The following ABLIM1 variants were observed in gnomAD, a reference collection of about 807,000 sequenced individuals.
ABLIM1 encodes actin binding LIM protein 1, also known as actin-binding LIM protein 1.
In ABLIM1, 40 loss-of-function variants were observed where a neutral mutation model predicts 107.0. The observed-to-expected ratio is 0.37, with a 90% CI of 0.29 to 0.49. The LOEUF (loss-of-function observed/expected upper bound fraction) is 0.49, where lower values mean the gene tolerates loss of function less well. Ranked by LOEUF, ABLIM1 falls within the 20% of genes least tolerant of loss-of-function variation. ABLIM1 has a pLI of 0.97. For synonymous variants in ABLIM1, 357 were observed against 357.3 expected (o/e 1.00, Z 0.01); for missense variants, 857 against 1,008.5 (o/e 0.85, Z 2.04).
At chr10:114,639,860 T>C (rs1259015924) in intron 1 of ABLIM1, among the ~76,000 whole-genome samples, 1 of 152,160 alleles carries the variant, frequency 6.6e-6, no homozygotes, top group Non-Finnish European at 1.5e-5. Context: ...CACAGAGTGT[T>C]TGCAACACCC....
In ABLIM1 at chr10:114,707,708, T is replaced by G. The variant is rs576447220; in HGVS notation, c.-213+60353A>C. On this transcript the variant is annotated intron_variant, in intron 1 of 15. Transcript: ENST00000651092. The surrounding 1 kb of genome is among the most constrained non-coding windows in gnomAD (Gnocchi z 4.1). ...TAAGGCCAGGAGTTCGAGACCAACC[T>G]GGACAACATGGTGAAAACACGGTCT... Among the ~76,000 whole-genome samples the G allele has an allele frequency of 1.3e-5, 2 of 152,136 alleles. No homozygotes were observed. The highest frequency in any genetic ancestry group is 2.1e-4 in the South Asian group (1 of 4,824).
intron 2 of ABLIM1, among the ~76,000 whole-genome samples, chr10:114,600,700 C>T (rs1484908784): frequency 1.3e-5 from 2 of 152,098 alleles, no homozygotes; most frequent in African/African-American, 2.4e-5. Flanking sequence ...GTCCTTACCC[C>T]GTGCAGGGCA....
At chr10:114,572,915 A>G (rs2071907597) in intron 3 of ABLIM1, among the ~76,000 whole-genome samples, 2 of 152,182 alleles carry the variant, frequency 1.3e-5, no homozygotes, top group Admixed American at 6.6e-5. Flanking sequence ...GACCCTGAGA[A>G]TAAGTGCCCT....
At chr10:114,478,744 G>T (rs1168497573) in intron 8 of ABLIM1, among the ~76,000 whole-genome samples, 2 of 152,144 alleles carry the variant, frequency 1.3e-5, no homozygotes, top group Non-Finnish European at 2.9e-5. Flanking sequence ...GCGTGAAAAT[G>T]GACTAATACA....
intron 1 of ABLIM1, among the ~76,000 whole-genome samples, chr10:114,735,689 C>T (rs758299324): frequency 7.2e-5 from 11 of 152,162 alleles, no homozygotes; most frequent in Non-Finnish European, 1.0e-4. Flanking sequence ...AGGATGGTCT[C>T]GATCTTTTGA....
intron 8 of ABLIM1, among the ~76,000 whole-genome samples, chr10:114,474,419 C>T (rs577739056): frequency 4.1e-4 from 61 of 147,184 alleles, no homozygotes; most frequent in Admixed American, 6.8e-4. Flanking sequence ...CTCACTCTGT[C>T]GCCCAGGCTG....
intron 1 of ABLIM1, among the ~76,000 whole-genome samples, chr10:114,653,494 T>A (rs2079349416): frequency 6.6e-6 from 1 of 152,174 alleles, no homozygotes; most frequent in Non-Finnish European, 1.5e-5. Context: ...AAGTGAGCCC[T>A]GTTCTCACCA....
intron 6 of ABLIM1, among the ~76,000 whole-genome samples, chr10:114,544,075 G>A (rs1420818606): frequency 6.6e-6 from 1 of 152,216 alleles, no homozygotes. Flanking sequence ...GCGGGGAGGG[G>A]GGCCTCAGAT....
chr10:114,519,476 A>T (rs1374323356), intron 6 of ABLIM1, among the ~76,000 whole-genome samples: 1 of 152,182 alleles, frequency 6.6e-6, no homozygotes, highest in East Asian at 1.9e-4. Context: ...CAAGGCCCCA[A>T]TTATCCCTCG....
intron 1 of ABLIM1, among the ~76,000 whole-genome samples, chr10:114,649,984 T>A (rs2079171215): frequency 6.6e-6 from 1 of 151,936 alleles, no homozygotes; most frequent in African/African-American, 2.4e-5. Flanking sequence ...GCCTCCTGAG[T>A]AGCTGGGACT....
intron 6 of ABLIM1, among the ~76,000 whole-genome samples, chr10:114,513,197 T>C (rs1426844271): frequency 3.9e-5 from 6 of 152,184 alleles, no homozygotes; most frequent in African/African-American, 1.4e-4. Flanking sequence ...GAAAATTCAT[T>C]TCTTACCCCT....
At chr10:114,466,488 C>T (rs2065193066) in intron 11 of ABLIM1, among the ~76,000 whole-genome samples, 1 of 152,114 alleles carries the variant, frequency 6.6e-6, no homozygotes. Context: ...ACTATCACCT[C>T]CCTCCCCCAC....
At chr10:114,635,533 T>C (rs2078434734) in intron 1 of ABLIM1, among the ~76,000 whole-genome samples, 1 of 152,180 alleles carries the variant, frequency 6.6e-6, no homozygotes, top group African/African-American at 2.4e-5. Flanking sequence ...ATTTTTGTTG[T>C]TGTTGTTTTG....
the ABLIM1 span, among the ~76,000 whole-genome samples, chr10:114,775,187 A>T: frequency 6.6e-6 from 1 of 152,112 alleles, no homozygotes; most frequent in African/African-American, 2.4e-5. Context: ...TCACTATCAC[A>T]TGAACAGCAT....
chr10:114,718,115 G>GGA (rs1268823409), intron 1 of ABLIM1, among the ~76,000 whole-genome samples: 23 of 67,266 alleles, frequency 3.4e-4, no homozygotes, highest in Non-Finnish European at 6.6e-4. Flanking sequence ...GAAAAAGAAA[G>GGA]AAAGAAAAAG....
At position 114,725,543 on chromosome 10, in the gene ABLIM1, A is replaced by G. The variant is rs140977419; in HGVS notation, c.-213+42518T>C. ...TGGTCGCTTTTGGGAAATGAAGTGT[A>G]TTTCTTCTGGAAGAACACAAGAACA... On this transcript the variant is annotated intron_variant, in intron 1 of 15. Transcript: ENST00000651092. 4.2e-3 allele frequency among the ~76,000 whole-genome samples: 639 copies of G among 152,204 alleles called. 5 individuals carry two copies. The highest frequency in any genetic ancestry group is 0.023 in the South Asian group (113 of 4,830).
chr10:114,648,113 C>T (rs7073481), intron 1 of ABLIM1, among the ~76,000 whole-genome samples: 2,596 of 152,212 alleles, frequency 0.017, 66 homozygotes, highest in African/African-American at 0.06. Flanking sequence ...CTGTAGAAAA[C>T]GGTTTGACAG....
At chr10:114,559,851 G>A (rs2069407880) in intron 4 of ABLIM1, among the ~76,000 whole-genome samples, 1 of 152,148 alleles carries the variant, frequency 6.6e-6, no homozygotes, top group Non-Finnish European at 1.5e-5. Flanking sequence ...CTAAGCAATG[G>A]CCATATGGTC....
upstream of ABLIM1, among the ~76,000 whole-genome samples, chr10:114,772,613 A>G (rs2083037544): frequency 6.6e-6 from 1 of 152,136 alleles, no homozygotes; most frequent in South Asian, 2.1e-4. Flanking sequence ...TCTCAAAAAA[A>G]CACAAAAACC....
Sources: gnomAD v4.1 joint callset for allele counts (sites outside exome capture counted in the v4.1 genomes callset) on GRCh38, gnomAD v4.1.1 for gene constraint, Gnocchi (gnomAD v3.1) non-coding constraint, MANE v1.5 for transcripts, NCBI Gene and HGNC (gene_info 2026-07-23, HGNC 2026-07-21) for gene names.